The following DDAH1 variants were observed in gnomAD, a reference collection of about 807,000 sequenced individuals.
The protein encoded by DDAH1 is dimethylarginine dimethylaminohydrolase 1, also known as N(G),N(G)-dimethylarginine dimethylaminohydrolase 1.
Under a neutral mutation model 28.8 loss-of-function variants are expected in DDAH1, and 19 were observed. The observed-to-expected ratio is 0.66, with a 90% CI of 0.46 to 0.97. The LOEUF is 0.97. Among genes scored for constraint, DDAH1 ranks in the 50% least tolerant of loss-of-function variants. The pLI is 0.00. For missense variants in DDAH1, 326 were observed against 375.9 expected, an observed-to-expected ratio of 0.87 and a Z score of 1.10; for synonymous variants, 153 against 154.4, an observed-to-expected ratio of 0.99 and a Z score of 0.07.
intron 1 of DDAH1, among the ~76,000 whole-genome samples, chr1:85,533,600 C>G (rs1658166344): frequency 6.6e-6 from 1 of 152,178 alleles, no homozygotes; most frequent in East Asian, 1.9e-4. Flanking sequence ...AAGAGGTGAA[C>G]TTGAGAATTT....
intron 1 of DDAH1, among the ~76,000 whole-genome samples, chr1:85,448,757 T>A (rs1397397442): frequency 1.3e-5 from 2 of 152,196 alleles, no homozygotes; most frequent in Non-Finnish European, 2.9e-5. Context: ...AGGAAATCTA[T>A]CAAAAACAGT....
chr1:85,434,084 T>A (rs1035994800), intron 1 of DDAH1, among the ~76,000 whole-genome samples: 1 of 152,322 alleles, frequency 6.6e-6, no homozygotes, highest in East Asian at 1.9e-4. Flanking sequence ...TATTGTGATT[T>A]CCTTGTTCCA....
At chr1:85,342,303 TAG>T (rs1648543535) in intron 4 of DDAH1, among the ~76,000 whole-genome samples, 1 of 152,154 alleles carries the variant, frequency 6.6e-6, no homozygotes, top group Admixed American at 6.5e-5. Flanking sequence ...ATATCAGTAA[TAG>T]TGTGAAGTTT....
intron 1 of DDAH1, among the ~76,000 whole-genome samples, chr1:85,574,866 T>C (rs553885372): frequency 1.2e-4 from 18 of 151,220 alleles, no homozygotes; most frequent in African/African-American, 4.4e-4. Context: ...GCCAACATGG[T>C]GAAAACCCAT....
At chr1:85,346,898 A>T (rs1044034120) in intron 4 of DDAH1, among the ~76,000 whole-genome samples, 24 of 152,286 alleles carry the variant, frequency 1.6e-4, no homozygotes, top group African/African-American at 5.1e-4. Context: ...GAATCTACAA[A>T]GAACTCAAAC....
rs568528239 is a variant in DDAH1, at chr1:85,400,640, T to G, written c.304-41793A>C. ...ATCATTACGCACTGTCCACATGGGA[T>G]CCCCAGGAAGAAATTTTTCTCTGAG... On this transcript the variant is annotated intron_variant, in intron 1 of 5. Coordinates refer to ENST00000284031, the MANE Select transcript of DDAH1 (RefSeq NM_012137.4). Among the ~76,000 whole-genome samples the G allele has an allele frequency of 2.6e-5, 4 of 152,306 alleles. No homozygotes were observed. The South Asian group carries it at 8.3e-4, about 32-fold the overall frequency.
intron 1 of DDAH1, among the ~76,000 whole-genome samples, chr1:85,420,508 CTAAAGTTCAAACTTCCA>C (rs1316232907): frequency 6.6e-6 from 1 of 152,210 alleles, no homozygotes; most frequent in Non-Finnish European, 1.5e-5. Context: ...GGTCATCACT[CTAAAGTTCAAACTTCCA>C]TAGATCCCTA....
intron 2 of DDAH1, among the ~76,000 whole-genome samples, chr1:85,490,315 A>G (rs1293886069): frequency 6.6e-6 from 1 of 152,232 alleles, no homozygotes; most frequent in Non-Finnish European, 1.5e-5. Context: ...GACAGGAGAA[A>G]TGTGAAATGA....
At chr1:85,541,261 G>T (rs1482220370) in intron 1 of DDAH1, among the ~76,000 whole-genome samples, 1 of 152,112 alleles carries the variant, frequency 6.6e-6, no homozygotes, top group African/African-American at 2.4e-5. Context: ...CTTATTTGAA[G>T]GTTCTCTGTA....
intron 1 of DDAH1, among the ~76,000 whole-genome samples, chr1:85,545,736 GAGA>G (rs1273374891): frequency 1.3e-5 from 2 of 152,116 alleles, no homozygotes; most frequent in African/African-American, 4.8e-5. Flanking sequence ...CGTTCTAAAG[GAGA>G]AGAAGAGGCA....
At chr1:85,507,125 A>AAT (rs1218606277) in intron 1 of DDAH1, among the ~76,000 whole-genome samples, 24 of 152,010 alleles carry the variant, frequency 1.6e-4, no homozygotes, top group Non-Finnish European at 2.6e-4. Context: ...TACACACACA[A>AAT]ATATATATAT....
chr1:85,412,936 G>A (rs1009074928), intron 1 of DDAH1, among the ~76,000 whole-genome samples: 1 of 152,184 alleles, frequency 6.6e-6, no homozygotes, highest in African/African-American at 2.4e-5. Flanking sequence ...AGCAGGTCGA[G>A]GTATCAGTGA....
intron 1 of DDAH1, among the ~76,000 whole-genome samples, chr1:85,574,895 A>C (rs72726325): frequency 0.49 from 74,085 of 149,684 alleles, 18,813 homozygotes; most frequent in South Asian, 0.71. Context: ...CTCTCTCTAT[A>C]TATATATATA....
chr1:85,578,008 T>C lies in DDAH1; in HGVS notation c.-147A>G, dbSNP rs1042929819. 1.0e-5 allele frequency: 10 copies of C among 985,330 alleles called. No homozygotes were observed. The East Asian group carries it at 9.1e-4, about 89-fold the overall frequency. The allele number at this position is 985,330 out of a possible 1,614,324, so 61.0% of individuals were successfully genotyped here. ...CCCATAAACATTTGCACATTTCGCC[T>C]CCTGTCCGTCAACTTGGACTGATCT... On this transcript the variant is annotated 5_prime_UTR_variant, in exon 1 of 7. Coordinates refer to the DDAH1 transcript ENST00000426972.
At chr1:85,335,870 G>A (rs1001412278) in intron 4 of DDAH1, among the ~76,000 whole-genome samples, 1 of 152,252 alleles carries the variant, frequency 6.6e-6, no homozygotes, top group South Asian at 2.1e-4. Context: ...GCTGAGGTGG[G>A]AGGATGGCTT....
chr1:85,472,912 G>T (rs189354477), intron 2 of DDAH1, among the ~76,000 whole-genome samples: 29 of 152,144 alleles, frequency 1.9e-4, no homozygotes, highest in Admixed American at 8.5e-4. Flanking sequence ...TGTTGTTTTC[G>T]TCTTTATGTC....
chr1:85,321,225 C>G lies in DDAH1; in HGVS notation c.*227G>C. 1 of 489,634 alleles carries G rather than the reference C, an allele frequency of 2.0e-6. No homozygotes were observed. The highest frequency in any genetic ancestry group is 3.7e-6 in the Non-Finnish European group (1 of 272,958). The allele number at this position is 489,634 out of a possible 1,614,324, so 30.3% of individuals were successfully genotyped here. ...TTTTGATAATTCATTAGCTCTGTAT[C>G]TTCTAGGTTGCTTAATTCATTTAGC... On this transcript the variant is annotated 3_prime_UTR_variant, in exon 6 of 6. Coordinates refer to ENST00000284031, the MANE Select transcript of DDAH1 (RefSeq NM_012137.4).
chr1:85,381,954 T>C (rs80145075), intron 1 of DDAH1, among the ~76,000 whole-genome samples: 2,616 of 152,316 alleles, frequency 0.017, 72 homozygotes, highest in East Asian at 0.12. Context: ...CCTGGGGGTC[T>C]ACCTATTCCT....
chr1:85,392,422 G>A (rs1432799802), intron 1 of DDAH1, among the ~76,000 whole-genome samples: 2 of 152,050 alleles, frequency 1.3e-5, no homozygotes, highest in African/African-American at 4.8e-5. Flanking sequence ...AGGTACTAGG[G>A]GTTAGGACTT....
Sources: gnomAD v4.1 joint callset for allele counts (sites outside exome capture counted in the v4.1 genomes callset) on GRCh38, gnomAD v4.1.1 for gene constraint, MANE v1.5 for transcripts, NCBI Gene and HGNC (gene_info 2026-07-23, HGNC 2026-07-21) for gene names.